Variants in VWC2L observed in about 807,000 individuals in gnomAD.
VWC2L encodes the protein von Willebrand factor C domain-containing protein 2-like.
A neutral mutation model predicts 21.6 loss-of-function variants in VWC2L; 10 were observed. That is an observed-to-expected ratio of 0.46 (90% CI 0.29 to 0.78). VWC2L has a LOEUF of 0.78. VWC2L is among the 30% of genes least tolerant of loss of function. The probability of loss-of-function intolerance (pLI) is 0.10; values close to 1 mark genes in which losing one functional copy is unlikely to be tolerated. For synonymous variants in VWC2L, 96 were observed against 94.3 expected (o/e 1.02, Z -0.10); for missense variants, 209 against 277.1 (o/e 0.75, Z 1.74).
At chr2:214,560,834 T>C (rs1405098361) in intron 3 of VWC2L, among the ~76,000 whole-genome samples, 1 of 152,182 alleles carries the variant, frequency 6.6e-6, no homozygotes, top group Non-Finnish European at 1.5e-5. Flanking sequence ...AGAAACACAA[T>C]AATGACAGCT....
intron 3 of VWC2L, among the ~76,000 whole-genome samples, chr2:214,573,826 G>A (rs1395235933): frequency 1.3e-5 from 2 of 152,254 alleles, no homozygotes; most frequent in Non-Finnish European, 2.9e-5. Context: ...CAATAAGGAT[G>A]GCCAGTGGCT....
intron 3 of VWC2L, among the ~76,000 whole-genome samples, chr2:214,546,802 C>T (rs1043620170): frequency 1.3e-5 from 2 of 152,026 alleles, no homozygotes; most frequent in Admixed American, 6.6e-5. Context: ...AAGGAGTTTT[C>T]GCTGGTAGAG....
intron 3 of VWC2L, among the ~76,000 whole-genome samples, chr2:214,491,485 G>A (rs1280593461): frequency 6.6e-6 from 1 of 152,188 alleles, no homozygotes; most frequent in Non-Finnish European, 1.5e-5. Flanking sequence ...GTAAATTAAA[G>A]GAATAGCTCT....
chr2:214,491,169 T>A (rs1050059899), intron 3 of VWC2L, among the ~76,000 whole-genome samples: 1 of 152,210 alleles, frequency 6.6e-6, no homozygotes, highest in Non-Finnish European at 1.5e-5. Flanking sequence ...TGGTGAATTT[T>A]ATGGATTTCA....
In VWC2L at chr2:214,426,813, T is replaced by G. The variant is rs142199090; in HGVS notation, c.391-9816T>G. ...ATTTTGGGTGTATATATTTCCTATATTGTTGAATGTGTTCAATTATAAGTC... is the reference window on the plus strand; with the variant it reads ...ATTTTGGGTGTATATATTTCCTATAGTGTTGAATGTGTTCAATTATAAGTC... On this transcript the variant is annotated intron_variant, in intron 2 of 3. Transcript: ENST00000312504. Among the ~76,000 whole-genome samples the G allele has an allele frequency of 7.0e-3, 1,061 of 152,340 alleles. 7 individuals carry two copies. The highest frequency in any genetic ancestry group is 0.011 in the Non-Finnish European group (766 of 68,038).
At chr2:214,421,518 C>T (rs1399140750) in intron 2 of VWC2L, among the ~76,000 whole-genome samples, 1 of 152,114 alleles carries the variant, frequency 6.6e-6, no homozygotes, top group Non-Finnish European at 1.5e-5. Context: ...GTGTGACAAG[C>T]GTGACTACCG....
intron 3 of VWC2L, among the ~76,000 whole-genome samples, chr2:214,535,212 A>G (rs1281664680): frequency 6.6e-6 from 1 of 152,142 alleles, no homozygotes; most frequent in East Asian, 1.9e-4. Flanking sequence ...TCAATTTTGT[A>G]TTTAAAACTG....
intron 3 of VWC2L, among the ~76,000 whole-genome samples, chr2:214,565,766 A>G (rs1285795383): frequency 6.6e-6 from 1 of 152,210 alleles, no homozygotes. Flanking sequence ...ACTGTGTGAC[A>G]GGAACTGTTC....
chr2:214,427,289 T>C (rs1483353155), intron 2 of VWC2L, among the ~76,000 whole-genome samples: 1 of 152,166 alleles, frequency 6.6e-6, no homozygotes, highest in African/African-American at 2.4e-5. Flanking sequence ...ATTGCAAACC[T>C]TTGACTGCTG....
At chr2:214,504,652 C>G (rs1307650300) in intron 3 of VWC2L, among the ~76,000 whole-genome samples, 3 of 152,320 alleles carry the variant, frequency 2.0e-5, no homozygotes, top group South Asian at 2.1e-4. Flanking sequence ...TAGGAAAGCC[C>G]ATGACGTGGC....
chr2:214,518,593 T>C (rs983941958), intron 3 of VWC2L, among the ~76,000 whole-genome samples: 1 of 152,168 alleles, frequency 6.6e-6, no homozygotes, highest in African/African-American at 2.4e-5. Context: ...GTCTGCATAT[T>C]TGTTTTATGG....
rs1690263171 is a variant in VWC2L at position 214,578,195 on chromosome 2, G to A, written c.*2375G>A. The A allele has an allele frequency of 6.6e-6, 1 of 152,160 alleles. No homozygotes were observed. The highest frequency in any genetic ancestry group is 2.1e-4 in the South Asian group (1 of 4,826). 9.4% of individuals were successfully genotyped at this position (152,160 alleles called of 1,614,324 possible). On this transcript the variant is annotated 3_prime_UTR_variant, in exon 4 of 4. Coordinates refer to ENST00000312504, the MANE Select transcript of VWC2L (RefSeq NM_001080500.4). ...CAGAAAATATCATTAATAGAGCCAT[G>A]CAGCATAGTACCTTATCTATTATTA...
intron 3 of VWC2L, among the ~76,000 whole-genome samples, chr2:214,491,461 G>T (rs1467280213): frequency 6.6e-6 from 1 of 152,172 alleles, no homozygotes; most frequent in African/African-American, 2.4e-5. Context: ...CAAAGATTTT[G>T]TAAGAGAAGG....
chr2:214,414,200 C>T lies in VWC2L; in HGVS notation c.7C>T (p.Leu3Phe). The change falls in exon 2 of 4, where the codon CTT becomes TTT. Residue 3 changes from leucine (L) to phenylalanine (F), a missense_variant. Physicochemically the swap from Leu to Phe is conservative, Grantham distance 22 (BLOSUM62 0). Coordinates refer to ENST00000312504, the MANE Select transcript of VWC2L (RefSeq NM_001080500.4). ...GAAGTCTTTGAAGAGGGGGATGGCT[C>T]TTCATATTCATGAAGCTTGCATACT... MA[L>F]HIHEACILLL... 1 of 1,610,744 alleles carries T rather than the reference C, an allele frequency of 6.2e-7. No individual in the cohort carries two copies. The highest frequency in any genetic ancestry group is 8.5e-7 in the Non-Finnish European group (1 of 1,179,136).
At chr2:214,465,819 T>C (rs778114951) in intron 3 of VWC2L, among the ~76,000 whole-genome samples, 3 of 152,314 alleles carry the variant, frequency 2.0e-5, no homozygotes, top group East Asian at 1.9e-4. Flanking sequence ...AATTCCTCTC[T>C]GGTTAGGGTT....
At position 214,575,791 on chromosome 2, in the gene VWC2L, C is replaced by T. The variant is rs553367363; in HGVS notation, c.640C>T (p.Arg214Cys). 2.0e-5 allele frequency: 33 copies of T among 1,613,318 alleles called. No homozygotes were observed. The highest frequency in any genetic ancestry group is 4.2e-6 in the Non-Finnish European group (5 of 1,179,420). The part of the protein sequence containing the change: ...DWWKPAQCSK[R>C]ECQGKQTV ...GTGGAAGCCTGCTCAGTGTTCGAAACGTGAATGCCAAGGCAAGCAGACTGT... is the reference window on the plus strand; with the variant it reads ...GTGGAAGCCTGCTCAGTGTTCGAAATGTGAATGCCAAGGCAAGCAGACTGT... The change falls in exon 4 of 4, where the codon CGT (arginine) becomes TGT (cysteine). Residue 214 changes from arginine to cysteine, a missense_variant. Transcript: ENST00000312504.
At chr2:214,469,616 C>T (rs966666114) in intron 3 of VWC2L, among the ~76,000 whole-genome samples, 6 of 151,824 alleles carry the variant, frequency 4.0e-5, no homozygotes, top group African/African-American at 1.5e-4. Flanking sequence ...ATCATGGGTA[C>T]ACTATGTATG....
At chr2:214,494,491 G>A (rs1214223343) in intron 3 of VWC2L, among the ~76,000 whole-genome samples, 1 of 152,158 alleles carries the variant, frequency 6.6e-6, no homozygotes, top group Non-Finnish European at 1.5e-5. Flanking sequence ...CCAGATGAGA[G>A]TCAGGAATGA....
At chr2:214,433,932 C>A (rs1702639979) in intron 2 of VWC2L, among the ~76,000 whole-genome samples, 1 of 151,958 alleles carries the variant, frequency 6.6e-6, no homozygotes, top group African/African-American at 2.4e-5. Context: ...CACAAGGAGG[C>A]TTGACATGAG....
Sources: allele counts gnomAD v4.1 joint callset (sites outside exome capture counted in the v4.1 genomes callset), GRCh38; gene constraint gnomAD v4.1.1; transcripts MANE v1.5; gene names NCBI Gene and HGNC (gene_info 2026-07-23, HGNC 2026-07-21).